WASHC4: variants seen among roughly 807,000 people sequenced by gnomAD.
The protein encoded by WASHC4 is WASH complex subunit 7.
A neutral mutation model predicts 166.6 loss-of-function variants in WASHC4; 86 were observed. The ratio of observed to expected loss-of-function variants is 0.52; its 90% CI spans 0.43 to 0.62. The LOEUF is 0.62. Among genes scored for constraint, WASHC4 ranks in the 20% least tolerant of loss-of-function variants. The probability of loss-of-function intolerance (pLI) is 0.00; values close to 1 mark genes in which losing one functional copy is unlikely to be tolerated. For missense variants in WASHC4, 1,262 were observed against 1,382.4 expected, an observed-to-expected ratio of 0.91 and a Z score of 1.38; for synonymous variants, 446 against 451.6, an observed-to-expected ratio of 0.99 and a Z score of 0.16.
chr12:105,139,458 T>TATATATATATGC (rs1555236359), intron 15 of WASHC4, among the ~76,000 whole-genome samples: 2 of 142,690 alleles, frequency 1.4e-5, no homozygotes, highest in African/African-American at 5.1e-5. Flanking sequence ...TATATATATA[T>TATATATATATGC]GCCTCCCACA....
chr12:105,109,342 G>A (rs1879420923), intron 1 of WASHC4, among the ~76,000 whole-genome samples: 1 of 152,138 alleles, frequency 6.6e-6, no homozygotes, highest in African/African-American at 2.4e-5. Flanking sequence ...AGAATGGTCT[G>A]ATTCACTCAA....
At chr12:105,161,242 C>CT (rs1229870947) in intron 29 of WASHC4, among the ~76,000 whole-genome samples, 2 of 152,152 alleles carry the variant, frequency 1.3e-5, no homozygotes, top group Admixed American at 1.3e-4. Context: ...TTGAAAGTAG[C>CT]TAATAGCCTA....
At chr12:105,149,027 T>G in intron 24 of WASHC4, 1 of 977,152 alleles carries the variant, frequency 1.0e-6, no homozygotes, top group Non-Finnish European at 1.2e-6. Flanking sequence ...AATAATTTAT[T>G]TAACAATACT....
chr12:105,162,587 G>A (rs1350626634), intron 29 of WASHC4, among the ~76,000 whole-genome samples, 162 bp from the exon 30 acceptor site: 2 of 151,974 alleles, frequency 1.3e-5, no homozygotes, highest in African/African-American at 4.8e-5. Context: ...TCACCAAGAG[G>A]GTACCTAAGG....
chr12:105,118,968 G>A (rs1443867307), intron 7 of WASHC4, among the ~76,000 whole-genome samples: 1 of 152,074 alleles, frequency 6.6e-6, no homozygotes, highest in African/African-American at 2.4e-5. Flanking sequence ...AATATACCCA[G>A]TAAAATATAC....
At chr12:105,155,490 GA>G (rs1281131315) in intron 26 of WASHC4, among the ~76,000 whole-genome samples, 4 of 32 alleles carry the variant, frequency 0.12, no homozygotes, top group East Asian at 0.4. Context: ...GTGCAAGATC[GA>G]TGTCAGGATT....
At chr12:105,116,588 AT>A (rs1392682492) in intron 6 of WASHC4, among the ~76,000 whole-genome samples, 1 of 152,148 alleles carries the variant, frequency 6.6e-6, no homozygotes, top group Admixed American at 6.5e-5. Flanking sequence ...CGTATATGGC[AT>A]TCATGCTGAG....
rs751867701 is a variant in WASHC4, at chr12:105,111,085, A to G, written c.62-40A>G. 2.7e-6 allele frequency: 4 copies of G among 1,478,508 alleles called. No individual in the cohort carries two copies. In the South Asian group the frequency reaches 3.4e-5, roughly 13 times the overall value. The allele number at this position is 1,478,508 out of a possible 1,614,324, so 91.6% of individuals were successfully genotyped here. On this transcript the variant is annotated intron_variant, in intron 1 of 32. Transcript: ENST00000332180. ...TGAAGTAAATGTCCTGCAATTCATT[A>G]CTTGCACTTATCACATACTGTTTTA...
At chr12:105,149,093 A>G (rs1883533883) in intron 24 of WASHC4, 7 of 984,992 alleles carry the variant, frequency 7.1e-6, no homozygotes, top group East Asian at 1.1e-4. Context: ...GACAAGGACC[A>G]TGTCTAGCAT....
intron 20 of WASHC4, among the ~76,000 whole-genome samples, chr12:105,143,622 A>G (rs889979080): frequency 1.3e-5 from 2 of 152,038 alleles, no homozygotes; most frequent in African/African-American, 2.4e-5. Flanking sequence ...AGGAAATTAT[A>G]TATTTAAAAG....
intron 2 of WASHC4, among the ~76,000 whole-genome samples, chr12:105,112,567 A>G (rs971897412): frequency 3.3e-5 from 5 of 152,126 alleles, no homozygotes; most frequent in Admixed American, 3.3e-4. Flanking sequence ...GTTTCTCTAC[A>G]TCCTTGCCAG....
intron 13 of WASHC4, among the ~76,000 whole-genome samples, chr12:105,128,507 G>T (rs757547083): frequency 6.6e-6 from 1 of 152,146 alleles, no homozygotes; most frequent in Non-Finnish European, 1.5e-5. Flanking sequence ...TAATACCCAG[G>T]TTGTGGAAAC....
intron 14 of WASHC4, among the ~76,000 whole-genome samples, chr12:105,136,078 G>A (rs903936955): frequency 6.6e-6 from 1 of 152,134 alleles, no homozygotes; most frequent in African/African-American, 2.4e-5. Flanking sequence ...AATCTAGTAG[G>A]TTGATCAAGA....
intron 26 of WASHC4, among the ~76,000 whole-genome samples, chr12:105,153,307 C>G (rs1022132593): frequency 7.2e-5 from 11 of 152,110 alleles, no homozygotes; most frequent in African/African-American, 2.7e-4. Flanking sequence ...AATACCAACC[C>G]CTTTGCTTTC....
At chr12:105,127,095 A>T in intron 12 of WASHC4, 34 bp from the exon 13 acceptor site, 1 of 1,584,328 alleles carries the variant, frequency 6.3e-7, no homozygotes, top group Non-Finnish European at 8.7e-7. Context: ...GCCTGCATTT[A>T]ATGAATTTTC....
chr12:105,156,871 A>G (rs1252750100), intron 27 of WASHC4, 79 bp downstream of exon 27: 7 of 987,854 alleles, frequency 7.1e-6, no homozygotes, highest in South Asian at 5.1e-5. Context: ...TACAAGTGAT[A>G]TTGTAGATAA....
At chr12:105,145,332 T>A (rs1002126616) in intron 22 of WASHC4, among the ~76,000 whole-genome samples, 5 of 152,040 alleles carry the variant, frequency 3.3e-5, no homozygotes, top group African/African-American at 1.2e-4. Context: ...GCTTTGCTAA[T>A]TCAATTAGTT....
chr12:105,115,319 A>G, intron 5 of WASHC4, 90 bp downstream of exon 5: 1 of 831,034 alleles, frequency 1.2e-6, no homozygotes. Context: ...ATGATTATAT[A>G]ATAGTGTGAG....
chr12:105,134,746 C>T (rs1345663999), intron 14 of WASHC4, among the ~76,000 whole-genome samples: 2 of 151,646 alleles, frequency 1.3e-5, no homozygotes, highest in East Asian at 1.9e-4. Flanking sequence ...CCGTAAGTAA[C>T]GTATATTTTT....
Sources: gnomAD v4.1 joint callset for allele counts (sites outside exome capture counted in the v4.1 genomes callset) on GRCh38, gnomAD v4.1.1 for gene constraint, MANE v1.5 for transcripts, NCBI Gene and HGNC (gene_info 2026-07-23, HGNC 2026-07-21) for gene names.